The following PTPRN2 variants were observed in gnomAD, a reference collection of about 807,000 sequenced individuals.
PTPRN2 encodes receptor-type tyrosine-protein phosphatase N2.
A neutral mutation model predicts 118.8 loss-of-function variants in PTPRN2; 74 were observed. The observed-to-expected ratio is 0.62, with a 90% CI of 0.52 to 0.76. The LOEUF (loss-of-function observed/expected upper bound fraction) is 0.76. Among genes scored for constraint, PTPRN2 ranks in the 30% least tolerant of loss-of-function variants. The pLI is 0.00. For synonymous variants in PTPRN2, 641 were observed against 608.0 expected, an observed-to-expected ratio of 1.05 and a Z score of -0.80; for missense variants, 1,481 against 1,394.4, an observed-to-expected ratio of 1.06 and a Z score of -0.99.
chr7:158,270,765 A>ACCTGGGCCG lies in PTPRN2; in HGVS notation c.277+46053_277+46054insCGGCCCAGG, dbSNP rs1563066949. 9.4e-5 allele frequency among the ~76,000 whole-genome samples: 11 copies of ACCTGGGCCG among 117,390 alleles called. 1 individual carries two copies. The highest frequency in any genetic ancestry group is 4.3e-4 in the African/African-American group (11 of 25,824). 77.0% of individuals were successfully genotyped at this position (117,390 alleles called of 152,430 possible). A position where few individuals can be genotyped will look rare whatever the true frequency, so the allele number is the denominator to read the frequency against. On this transcript the variant is annotated intron_variant, in intron 3 of 22. Transcript: ENST00000389418. Reference sequence around the variant, plus strand: ...CTGAGCCGTCTTCTCCACCTGGACCACCCCGTCCACCTGGACCACCCCTCC... The same window carrying ACCTGGGCCG: ...CTGAGCCGTCTTCTCCACCTGGACCACCTGGGCCGCCCCGTCCACCTGGACCACCCCTCC...
chr7:158,008,696 AT>A (rs1218231177), intron 11 of PTPRN2, among the ~76,000 whole-genome samples: 5 of 152,216 alleles, frequency 3.3e-5, no homozygotes, highest in Admixed American at 3.3e-4. Flanking sequence ...CCACGTTGTG[AT>A]TTATCTTCAC....
At chr7:157,678,744 C>T (rs1239002231) in intron 13 of PTPRN2, among the ~76,000 whole-genome samples, 1 of 152,154 alleles carries the variant, frequency 6.6e-6, no homozygotes, top group African/African-American at 2.4e-5. Flanking sequence ...AGGAAACCTG[C>T]TGGGTATTGT....
intron 4 of PTPRN2, among the ~76,000 whole-genome samples, chr7:158,203,328 A>G (rs573446514): frequency 2.0e-4 from 31 of 152,078 alleles, no homozygotes; most frequent in African/African-American, 7.2e-4. Flanking sequence ...CTCAAAGCAT[A>G]TGTATTTTAA....
At chr7:158,029,905 C>T (rs185494398) in intron 11 of PTPRN2, 1 of 152,470 alleles carries the variant, frequency 6.6e-6, no homozygotes, top group East Asian at 1.9e-4. Flanking sequence ...CTCCTCCCCA[C>T]TCCCAACTCA....
intron 20 of PTPRN2, among the ~76,000 whole-genome samples, chr7:157,570,433 T>C (rs1395748366): frequency 6.6e-6 from 1 of 152,224 alleles, no homozygotes; most frequent in African/African-American, 2.4e-5. Context: ...ACATGCTTCT[T>C]GATTGGATTT....
intron 1 of PTPRN2, among the ~76,000 whole-genome samples, chr7:158,506,908 C>T (rs1449182785): frequency 6.6e-6 from 1 of 152,180 alleles, no homozygotes; most frequent in Non-Finnish European, 1.5e-5. Context: ...GCCAGCCCAG[C>T]CCGGAGCAGC....
At chr7:158,186,566 G>A (rs59106196) in intron 5 of PTPRN2, among the ~76,000 whole-genome samples, 1,921 of 149,298 alleles carry the variant, frequency 0.013, 29 homozygotes, top group African/African-American at 0.045. Context: ...TCAGAAGCCC[G>A]CCTGGGCCAC....
chr7:158,142,116 C>A (rs1365689765), intron 6 of PTPRN2, among the ~76,000 whole-genome samples: 1 of 152,226 alleles, frequency 6.6e-6, no homozygotes, highest in Admixed American at 6.5e-5. Flanking sequence ...ACCCTGGGGG[C>A]TGCCCCTCCC....
rs1004620973 is a variant in PTPRN2, at chr7:157,569,575, T to C, written c.2838-609A>G. Among the ~76,000 whole-genome samples, 6 of 152,224 alleles carry C rather than the reference T, an allele frequency of 3.9e-5. No individual in the cohort carries two copies. In the South Asian group the frequency reaches 6.2e-4, roughly 16 times the overall value. ...CTCTTTCTCATCCCACCAGCTATAA[T>C]TGGAATATTTACCATCTGGGCTAGA... On this transcript the variant is annotated intron_variant, in intron 20 of 22. Coordinates refer to ENST00000389418, the MANE Select transcript of PTPRN2 (RefSeq NM_002847.5).
intron 12 of PTPRN2, among the ~76,000 whole-genome samples, chr7:157,777,116 G>C (rs549706455): frequency 1.3e-5 from 2 of 149,492 alleles, no homozygotes; most frequent in African/African-American, 4.9e-5. Flanking sequence ...TTCTTTCTCC[G>C]CTTTTCCTGT....
chr7:158,052,575 C>A (rs576185552), intron 11 of PTPRN2, among the ~76,000 whole-genome samples: 1 of 152,112 alleles, frequency 6.6e-6, no homozygotes, highest in African/African-American at 2.4e-5. Context: ...TGGAGGGGCG[C>A]CCTTCGGACC....
In PTPRN2 at chr7:158,515,649, C is replaced by T. The variant is rs75960105; in HGVS notation, c.113-25864G>A. Among the ~76,000 whole-genome samples, 844 of 152,306 alleles carry T rather than the reference C, an allele frequency of 5.5e-3. 7 individuals are homozygous for T. Among genetic ancestry groups the T allele is most frequent in the African/African-American group, 0.019 (781 of 41,562 alleles). On this transcript the variant is annotated intron_variant, in intron 1 of 22. Coordinates refer to ENST00000389418, the MANE Select transcript of PTPRN2 (RefSeq NM_002847.5). ...TTCCATGCTCGCCTTTCTACATCAT[C>T]TGTTACATGCTCAAGGCTTCCCCAT...
At chr7:158,270,288 G>A (rs1798221280) in intron 3 of PTPRN2, among the ~76,000 whole-genome samples, 2 of 152,234 alleles carry the variant, frequency 1.3e-5, no homozygotes, top group South Asian at 4.1e-4. Flanking sequence ...CCAGAAGGCA[G>A]AAGGGCCAGC....
At chr7:157,739,849 C>A (rs961689160) in intron 12 of PTPRN2, among the ~76,000 whole-genome samples, 3 of 152,218 alleles carry the variant, frequency 2.0e-5, no homozygotes, top group Non-Finnish European at 4.4e-5. Flanking sequence ...GAGGCCTGAG[C>A]TCCTGGGCCG....
intron 14 of PTPRN2, among the ~76,000 whole-genome samples, chr7:157,648,905 T>G (rs28425660): frequency 0.39 from 36,937 of 94,476 alleles, 8,095 homozygotes; most frequent in Middle Eastern, 0.47. Context: ...CTCGGTGGGT[T>G]GGACCCTTTC....
intron 12 of PTPRN2, among the ~76,000 whole-genome samples, chr7:157,751,519 C>T (rs1427589509): frequency 2.6e-5 from 4 of 152,152 alleles, no homozygotes; most frequent in East Asian, 3.9e-4. Context: ...CCACGGAGTG[C>T]GCTCGCTCGG....
intron 11 of PTPRN2, among the ~76,000 whole-genome samples, chr7:158,077,608 C>T (rs886152001): frequency 6.6e-6 from 1 of 150,674 alleles, no homozygotes; most frequent in East Asian, 2.0e-4. Flanking sequence ...CCCTCCGTGG[C>T]GCCCGAGAGG....
At position 158,337,199 on chromosome 7, in the gene PTPRN2, TAA is replaced by T. The variant is rs1805776842; in HGVS notation, c.164-20269_164-20268del. Reference sequence around the variant, plus strand: ...GTCACTCACACCGACACTCTCACCATAAGAGGTGACACTTGCAGACGTCACTA... The same window carrying T: ...GTCACTCACACCGACACTCTCACCATGAGGTGACACTTGCAGACGTCACTA... On this transcript the variant is annotated intron_variant, in intron 2 of 22. Transcript: ENST00000389418. Among the ~76,000 whole-genome samples, 8 of 152,096 alleles carry T rather than the reference TAA, an allele frequency of 5.3e-5. No individual in the cohort carries two copies. In the South Asian group the frequency reaches 1.7e-3, roughly 32 times the overall value.
chr7:157,628,731 G>A (rs1461944847), intron 14 of PTPRN2, among the ~76,000 whole-genome samples: 1 of 152,224 alleles, frequency 6.6e-6, no homozygotes, highest in Non-Finnish European at 1.5e-5. Flanking sequence ...TGTGCCCGGG[G>A]ATGGGGTGCG....
Sources: gnomAD v4.1 joint callset for allele counts (sites outside exome capture counted in the v4.1 genomes callset) on GRCh38, gnomAD v4.1.1 for gene constraint, MANE v1.5 for transcripts, NCBI Gene and HGNC (gene_info 2026-07-23, HGNC 2026-07-21) for gene names.